The following P2RX7 variants were observed in gnomAD, a reference collection of about 807,000 sequenced individuals.
The protein encoded by P2RX7 is P2X purinoceptor 7.
A neutral mutation model predicts 71.6 loss-of-function variants in P2RX7; 62 were observed. That is an observed-to-expected ratio of 0.87 (90% confidence interval 0.71 to 1.07). The LOEUF (loss-of-function observed/expected upper bound fraction) is 1.07, where lower values mean the gene tolerates loss of function less well. P2RX7 is among the 50% of genes least tolerant of loss of function. The pLI is 0.00. For missense variants in P2RX7, 686 were observed against 748.5 expected, an observed-to-expected ratio of 0.92 and a Z score of 0.97; for synonymous variants, 299 against 283.3, an observed-to-expected ratio of 1.06 and a Z score of -0.56.
intron 1 of P2RX7, among the ~76,000 whole-genome samples, chr12:121,142,513 T>C: frequency 6.6e-6 from 1 of 152,230 alleles, no homozygotes; most frequent in Admixed American, 6.5e-5. Context: ...TTGGGTCAGG[T>C]CAACTCTATC....
At chr12:121,152,307 A>G (rs1877616360) in intron 1 of P2RX7, among the ~76,000 whole-genome samples, 1 of 151,930 alleles carries the variant, frequency 6.6e-6, no homozygotes, top group Non-Finnish European at 1.5e-5. Flanking sequence ...ACTGCTGCAA[A>G]GCATCTCATT....
intron 2 of P2RX7, 137 bp from the exon 3 acceptor site, chr12:121,155,942 T>C: frequency 1.3e-6 from 1 of 748,730 alleles, no homozygotes; most frequent in Non-Finnish European, 2.3e-6. Flanking sequence ...GCCCTTGGCA[T>C]ATTCCAAGTT....
intron 8 of P2RX7, among the ~76,000 whole-genome samples, chr12:121,169,486 T>C (rs1177571567): frequency 6.6e-6 from 1 of 152,228 alleles, no homozygotes; most frequent in Non-Finnish European, 1.5e-5. Context: ...TGCAAAGTTC[T>C]GCATGTGCTG....
chr12:121,136,928 T>G (rs1423101439), intron 1 of P2RX7, among the ~76,000 whole-genome samples: 1 of 152,094 alleles, frequency 6.6e-6, no homozygotes, highest in Non-Finnish European at 1.5e-5. Flanking sequence ...GGATTACAGG[T>G]GTGGGTCACC....
At chr12:121,135,171 T>C (rs1479382208) in intron 1 of P2RX7, among the ~76,000 whole-genome samples, 1 of 151,982 alleles carries the variant, frequency 6.6e-6, no homozygotes. Flanking sequence ...AAACCCCATC[T>C]CTACTAAAAA....
At chr12:121,170,513 G>A (rs1653615) in intron 8 of P2RX7, among the ~76,000 whole-genome samples, 2,120 of 152,306 alleles carry the variant, frequency 0.014, 45 homozygotes, top group African/African-American at 0.048. Flanking sequence ...AGTGGCTTAT[G>A]CCTGTAATCC....
rs545470879 is a variant in P2RX7, at chr12:121,167,549, G to A, written c.806G>A (p.Cys269Tyr). The A allele has an allele frequency of 6.2e-7, 1 of 1,613,630 alleles. No homozygotes were observed. The highest frequency in any genetic ancestry group is 2.2e-5 in the East Asian group (1 of 44,822). ...DCNLDRWFHH[C>Y]RPKYSFRRLD... ...AACCTAGACCGTTGGTTCCATCACT[G>A]CCGTCCCAAATACAGTTTCCGTCGC... The change falls in exon 8 of 13, where the codon TGC (cysteine) becomes TAC (tyrosine). Residue 269 changes from cysteine to tyrosine, a missense_variant. By Grantham distance (194) the Cys-to-Tyr change is radical. Coordinates refer to ENST00000328963, the MANE Select transcript of P2RX7 (RefSeq NM_002562.6).
chr12:121,163,395 G>A (rs909541010), intron 5 of P2RX7, among the ~76,000 whole-genome samples: 7 of 151,112 alleles, frequency 4.6e-5, no homozygotes, highest in Admixed American at 3.4e-4. Flanking sequence ...CCCTAGAAGT[G>A]TGGTGGTTCT....
chr12:121,158,051 AGGCT>A (rs1193190603), intron 3 of P2RX7, among the ~76,000 whole-genome samples: 1 of 152,116 alleles, frequency 6.6e-6, no homozygotes, highest in Non-Finnish European at 1.5e-5. Flanking sequence ...CTTATGCTCC[AGGCT>A]GGTTTGGGCT....
chr12:121,177,462 T>C lies in P2RX7; in HGVS notation c.1188+16T>C. The C allele has an allele frequency of 6.2e-7, 1 of 1,611,506 alleles. No individual in the cohort carries two copies. On this transcript the variant is annotated intron_variant, in intron 11 of 12. Transcript: ENST00000328963. ...GCCAAAGCCGGTGAGGCCGCTGTGT[T>C]CACAGGACACCAAGACATGGAGAGA...
chr12:121,182,417 T>G (rs1403124612), intron 12 of P2RX7, among the ~76,000 whole-genome samples: 2 of 152,208 alleles, frequency 1.3e-5, no homozygotes, highest in Non-Finnish European at 2.9e-5. Flanking sequence ...TGTCTGAATA[T>G]CATGGACTCT....
At chr12:121,148,646 T>C (rs1038450357) in intron 1 of P2RX7, among the ~76,000 whole-genome samples, 3 of 152,184 alleles carry the variant, frequency 2.0e-5, no homozygotes, top group Non-Finnish European at 1.5e-5. Context: ...TGTGGTAATT[T>C]GTTAGAGCAA....
chr12:121,133,157 C>G lies in P2RX7; in HGVS notation c.125+62C>G. ...TGGCCGACAGCACAGAAAGCCCCAG[C>G]GGGCAGCTTCAGGTGCACATTCTGA... is the stretch of plus-strand genomic sequence containing the variant. On this transcript the variant is annotated intron_variant, in intron 1 of 12. Coordinates refer to ENST00000328963, the MANE Select transcript of P2RX7 (RefSeq NM_002562.6). The G allele has an allele frequency of 3.1e-6, 5 of 1,588,344 alleles. No individual in the cohort carries two copies. In the Admixed American group the frequency reaches 5.0e-5, roughly 16 times the overall value.
At chr12:121,181,341 T>C (rs537634667) in intron 12 of P2RX7, among the ~76,000 whole-genome samples, 1 of 152,322 alleles carries the variant, frequency 6.6e-6, no homozygotes, top group African/African-American at 2.4e-5. Flanking sequence ...AGTTTGGGGC[T>C]AATGCCAATA....
At chr12:121,143,580 T>G (rs989992444) in intron 1 of P2RX7, among the ~76,000 whole-genome samples, 4 of 147,826 alleles carry the variant, frequency 2.7e-5, no homozygotes, top group Admixed American at 2.7e-4. Context: ...CCAGGCGCGG[T>G]GGCTCACGTC....
At chr12:121,136,023 A>AAAAAAAATATATATATATATATAT in intron 1 of P2RX7, among the ~76,000 whole-genome samples, 1 of 15,256 alleles carries the variant, frequency 6.6e-5, no homozygotes, top group African/African-American at 1.2e-4. Flanking sequence ...AAAAAAAAAA[A>AAAAAAAATATATATATATATATAT]ATATATATAT....
intron 8 of P2RX7, among the ~76,000 whole-genome samples, chr12:121,173,599 T>G (rs1395801744): frequency 1.3e-5 from 2 of 152,198 alleles, no homozygotes; most frequent in African/African-American, 2.4e-5. Flanking sequence ...CCAGATCCGC[T>G]CAAGAGGCAG....
chr12:121,160,729 T>C (rs1184233760), intron 3 of P2RX7, among the ~76,000 whole-genome samples, 173 bp from the exon 4 acceptor site: 1 of 152,252 alleles, frequency 6.6e-6, no homozygotes, highest in Non-Finnish European at 1.5e-5. Flanking sequence ...TACCACATTT[T>C]ATTTGTCCAT....
intron 5 of P2RX7, among the ~76,000 whole-genome samples, chr12:121,164,383 C>T (rs942099280): frequency 1.1e-4 from 17 of 152,316 alleles, no homozygotes; most frequent in Middle Eastern, 3.4e-3. Context: ...GTCCCAGATA[C>T]GGAGCAAGTC....
Sources: allele counts gnomAD v4.1 joint callset (sites outside exome capture counted in the v4.1 genomes callset), GRCh38; gene constraint gnomAD v4.1.1; transcripts MANE v1.5; gene names NCBI Gene and HGNC (gene_info 2026-07-23, HGNC 2026-07-21).